The following NEDD1 variants were observed in gnomAD, a reference collection of about 807,000 sequenced individuals.
The protein encoded by NEDD1 is NEDD1 gamma-tubulin ring complex targeting factor.
In NEDD1, 33 loss-of-function variants were observed where a neutral mutation model predicts 74.0. The observed-to-expected ratio is 0.45, with a 90% CI of 0.34 to 0.60. The LOEUF is 0.60. NEDD1 is among the 20% of genes least tolerant of loss of function. NEDD1 has a pLI of 0.01. For missense variants in NEDD1, 746 were observed against 776.5 expected, an observed-to-expected ratio of 0.96 and a Z score of 0.47; for synonymous variants, 250 against 264.4, an observed-to-expected ratio of 0.95 and a Z score of 0.53.
intron 6 of NEDD1, among the ~76,000 whole-genome samples, chr12:96,933,136 CTTG>C (rs150681746): frequency 0.01 from 1,525 of 151,846 alleles, 67 homozygotes; most frequent in East Asian, 0.096. Context: ...TGGTAAGCTC[CTTG>C]TTGTTTGATA....
At chr12:96,919,274 A>G (rs945048912) in intron 5 of NEDD1, among the ~76,000 whole-genome samples, 57 of 152,156 alleles carry the variant, frequency 3.7e-4, no homozygotes, top group African/African-American at 1.4e-3. Flanking sequence ...TTGGAGTTTG[A>G]CATGGAATTG....
chr12:96,918,733 T>C (rs1255323899), intron 5 of NEDD1, among the ~76,000 whole-genome samples: 1 of 152,252 alleles, frequency 6.6e-6, no homozygotes, highest in East Asian at 1.9e-4. Context: ...AGTAAATGTT[T>C]GCTGAATGAC....
At position 96,951,992 on chromosome 12, in the gene NEDD1, G is replaced by A; in HGVS notation, c.1922G>A (p.Gly641Asp). 1 of 1,607,202 alleles carries A rather than the reference G, an allele frequency of 6.2e-7. No homozygotes were observed. The highest frequency in any genetic ancestry group is 1.1e-5 in the South Asian group (1 of 90,878). Residue 641 changes from glycine to aspartate, a missense_variant, in exon 16 of 16, where the codon GGT becomes GAT. Gly to Asp is a moderately conservative substitution (Grantham distance 94, BLOSUM62 -1). This residue lies in a region of NEDD1 where 29 missense variants were observed against 50.8 expected (regional missense o/e 0.57). Transcript: ENST00000266742. ...SLLERYSVNE[G>D]LVAEIERLRE... The stretch of plus-strand genomic sequence containing the variant: ...CTGGAAAGATACTCAGTGAATGAAG[G>A]TTTAGTGGCTGAAATTGAAAGACTA...
chr12:96,944,759 A>T lies in NEDD1; in HGVS notation c.1618A>T (p.Ile540Leu). ...KPENEIEAQLICEPPINGSST... is the reference protein window; with the variant it reads ...KPENEIEAQLLCEPPINGSST... ...AGAGAATGAAATTGAAGCCCAGTTGATATGTGAACCCCCAATCAATGGATC... is the reference window on the plus strand; with the variant it reads ...AGAGAATGAAATTGAAGCCCAGTTGTTATGTGAACCCCCAATCAATGGATC... Residue 540 changes from isoleucine to leucine, a missense_variant, in exon 13 of 16, where the codon ATA (isoleucine) becomes TTA (leucine). Physicochemically the swap from Ile to Leu is conservative, Grantham distance 5. Transcript: ENST00000266742. 1 of 1,584,822 alleles carries T rather than the reference A, an allele frequency of 6.3e-7. No individual in the cohort carries two copies. Among genetic ancestry groups the T allele is most frequent in the Non-Finnish European group, 8.6e-7 (1 of 1,168,068 alleles).
chr12:96,940,767 CA>C (rs1419929282), intron 10 of NEDD1, among the ~76,000 whole-genome samples: 1 of 152,046 alleles, frequency 6.6e-6, no homozygotes, highest in Non-Finnish European at 1.5e-5. Flanking sequence ...CTCAAGTTAG[CA>C]TTTTAATTTC....
At chr12:96,920,607 T>C (rs1040294626) in intron 6 of NEDD1, among the ~76,000 whole-genome samples, 2 of 152,176 alleles carry the variant, frequency 1.3e-5, no homozygotes, top group African/African-American at 4.8e-5. Flanking sequence ...ATATTTCAGG[T>C]TAATATAAGA....
chr12:96,939,058 A>C (rs1027032714), intron 9 of NEDD1, among the ~76,000 whole-genome samples: 2 of 152,066 alleles, frequency 1.3e-5, no homozygotes, highest in Non-Finnish European at 2.9e-5. Context: ...CACTCAGTAC[A>C]CTATGGTGTT....
intron 4 of NEDD1, among the ~76,000 whole-genome samples, chr12:96,917,290 G>A (rs1008653340): frequency 6.6e-5 from 10 of 152,292 alleles, no homozygotes; most frequent in Middle Eastern, 3.4e-3. Context: ...ACAAGAGCAG[G>A]CTTTATCAAG....
chr12:96,949,012 C>T (rs574973337), intron 14 of NEDD1, among the ~76,000 whole-genome samples: 1 of 152,292 alleles, frequency 6.6e-6, no homozygotes, highest in South Asian at 2.1e-4. Context: ...CTGCAGGCCT[C>T]CTCTCTTCAA....
intron 14 of NEDD1, among the ~76,000 whole-genome samples, chr12:96,947,107 G>A (rs1193825210): frequency 6.6e-6 from 1 of 152,018 alleles, no homozygotes; most frequent in Non-Finnish European, 1.5e-5. Context: ...GGATTTAATT[G>A]TTTTTGTTGT....
At chr12:96,919,581 A>T (rs1014307293) in intron 5 of NEDD1, among the ~76,000 whole-genome samples, 5 of 152,072 alleles carry the variant, frequency 3.3e-5, no homozygotes, top group African/African-American at 1.2e-4. Context: ...CTCCAGCTTT[A>T]TGTCTTCCAT....
Position 96,936,920 on chromosome 12 carries a change from A to G in NEDD1, c.921+108A>G, listed in dbSNP as rs1213005135. ...CAGTATAGTTTTGTTTCATAATTAC[A>G]TAATGATTTTACATGTAATGTATAA... On this transcript the variant is annotated intron_variant, in intron 8 of 15. Coordinates refer to ENST00000266742, the MANE Select transcript of NEDD1 (RefSeq NM_152905.4). 3.0e-5 allele frequency: 20 copies of G among 670,752 alleles called. No individual in the cohort carries two copies. In the South Asian group the frequency reaches 4.5e-4, roughly 15 times the overall value. The allele number at this position is 670,752 out of a possible 1,614,324, so 41.6% of individuals were successfully genotyped here.
intron 6 of NEDD1, among the ~76,000 whole-genome samples, chr12:96,929,538 C>T (rs1172627648): frequency 6.8e-6 from 1 of 147,606 alleles, no homozygotes; most frequent in East Asian, 2.0e-4. Context: ...TCACAGAGCT[C>T]CCTATTGTTT....
chr12:96,918,062 C>A (rs1349626203), intron 5 of NEDD1, among the ~76,000 whole-genome samples: 3 of 151,738 alleles, frequency 2.0e-5, no homozygotes, highest in East Asian at 3.9e-4. Context: ...TTCCTTAGGG[C>A]CAGGTGGAAA....
chr12:96,921,500 T>C (rs1256994496), intron 6 of NEDD1, among the ~76,000 whole-genome samples: 1 of 152,148 alleles, frequency 6.6e-6, no homozygotes, highest in African/African-American at 2.4e-5. Flanking sequence ...CTTTTTCACG[T>C]GTCCACATTA....
intron 9 of NEDD1, among the ~76,000 whole-genome samples, chr12:96,938,044 T>A (rs1877302550): frequency 6.6e-6 from 1 of 152,128 alleles, no homozygotes; most frequent in African/African-American, 2.4e-5. Flanking sequence ...AGTATGTTTC[T>A]GAAATATTGT....
rs940473908 is a variant in NEDD1, at chr12:96,924,952, G to C, written c.489+4827G>C. On this transcript the variant is annotated intron_variant, in intron 6 of 15. Coordinates refer to ENST00000266742, the MANE Select transcript of NEDD1 (RefSeq NM_152905.4). Reference sequence around the variant, plus strand: ...TGATAGTCATTGTAAGGTTTGTTTTGTAGATATCCTTTATCTTATTAGGGT... The same window carrying C: ...TGATAGTCATTGTAAGGTTTGTTTTCTAGATATCCTTTATCTTATTAGGGT... The C allele has an allele frequency of 1.9e-5, 8 of 412,124 alleles. No individual in the cohort carries two copies. The East Asian group carries it at 6.1e-4, about 31-fold the overall frequency. 25.5% of individuals were successfully genotyped at this position (412,124 alleles called of 1,614,324 possible). A position where few individuals can be genotyped will look rare whatever the true frequency, so the allele number is the denominator to read the frequency against.
intron 6 of NEDD1, among the ~76,000 whole-genome samples, chr12:96,927,405 A>G (rs141192311): frequency 0.011 from 1,716 of 152,340 alleles, 33 homozygotes; most frequent in African/African-American, 0.04. Flanking sequence ...TACAGGGGAA[A>G]AGAGCCTTGC....
At chr12:96,920,331 C>A (rs958989514) in intron 6 of NEDD1, among the ~76,000 whole-genome samples, 1 of 151,150 alleles carries the variant, frequency 6.6e-6, no homozygotes, top group African/African-American at 2.4e-5. Flanking sequence ...ATCAAATAGT[C>A]ACATCCTTCT....
Sources: allele counts gnomAD v4.1 joint callset (sites outside exome capture counted in the v4.1 genomes callset), GRCh38; gene constraint gnomAD v4.1.1; regional missense constraint gnomAD v4.1.1; transcripts MANE v1.5; gene names NCBI Gene and HGNC (gene_info 2026-07-23, HGNC 2026-07-21).